Variants in TOP1MT observed in about 807,000 individuals in gnomAD.
TOP1MT encodes DNA topoisomerase I mitochondrial.
A neutral mutation model predicts 73.9 loss-of-function variants in TOP1MT; 80 were observed. That is an observed-to-expected ratio of 1.08 (90% CI 0.90 to 1.30). TOP1MT has a LOEUF of 1.30. Among genes scored for constraint, TOP1MT ranks in the 50% most tolerant of loss-of-function variants. The pLI is 0.00. For missense variants in TOP1MT, 815 were observed against 808.0 expected (o/e 1.01, Z -0.10); for synonymous variants, 338 against 326.4 (o/e 1.04, Z -0.38).
intron 3 of TOP1MT, among the ~76,000 whole-genome samples, chr8:143,326,795 G>T (rs140277644): frequency 6.6e-6 from 1 of 152,186 alleles, no homozygotes; most frequent in Non-Finnish European, 1.5e-5. Context: ...CGGGATTCGC[G>T]AGGGCAAAGT....
intron 7 of TOP1MT, among the ~76,000 whole-genome samples, chr8:143,323,400 C>T (rs1192602460): frequency 8.5e-4 from 109 of 127,880 alleles, no homozygotes; most frequent in Non-Finnish European, 8.3e-4. Flanking sequence ...CACACAGGCA[C>T]GCCACACACG....
At position 143,341,534 on chromosome 8, in the gene TOP1MT, C is replaced by CAA. The variant is rs1817080724; in HGVS notation, c.29+1685_29+1686insTT. ...CAGAGGAGGAGGGAAGGTTCACCTTCCCCACCCCAGCAATGGCTGCCCTCC... is the reference window on the plus strand; with the variant it reads ...CAGAGGAGGAGGGAAGGTTCACCTTCAACCCACCCCAGCAATGGCTGCCCTCC... On this transcript the variant is annotated intron_variant, in intron 2 of 5. Transcript: ENST00000518007. This position sits in a 1 kb window ranked among gnomAD's most constrained non-coding sequence, Gnocchi z 4.1. Among the ~76,000 whole-genome samples, 1 of 152,260 alleles carries CAA rather than the reference C, an allele frequency of 6.6e-6. No individual in the cohort carries two copies. Among genetic ancestry groups the CAA allele is most frequent in the Non-Finnish European group, 1.5e-5 (1 of 68,048 alleles).
chr8:143,329,333 C>T lies in TOP1MT; in HGVS notation c.360+17G>A. On this transcript the variant is annotated intron_variant, in intron 3 of 13. Coordinates refer to ENST00000329245, the MANE Select transcript of TOP1MT (RefSeq NM_052963.3). ...GCCAGGTCCAGGACAGCTGTGGCGG[C>T]CGCCCAGGGTACCTACCTTTCGCCA... 1 of 1,587,330 alleles carries T rather than the reference C, an allele frequency of 6.3e-7. No homozygotes were observed. The highest frequency in any genetic ancestry group is 8.5e-7 in the Non-Finnish European group (1 of 1,170,684).
rs932183481 is a variant in TOP1MT, at chr8:143,341,032, A to G, written c.29+2188T>C. ...CTCTTCTGTGGGAACTGCTCTGTCT[A>G]TCCCACTGCCCAGAGCGCGCTCCTC... On this transcript the variant is annotated intron_variant, in intron 2 of 5. Transcript: ENST00000518007. This position sits in a 1 kb window ranked among gnomAD's most constrained non-coding sequence, Gnocchi z 4.1. Among the ~76,000 whole-genome samples, 1 of 151,624 alleles carries G rather than the reference A, an allele frequency of 6.6e-6. No individual in the cohort carries two copies. Among genetic ancestry groups the G allele is most frequent in the African/African-American group, 2.4e-5 (1 of 41,202 alleles).
chr8:143,317,744 G>A lies in TOP1MT; in HGVS notation c.1309C>T (p.Gln437Ter), dbSNP rs199550229. The change falls in exon 10 of 14, where the codon CAG (glutamine) becomes TAG (stop). Residue 437 changes from glutamine to a stop codon, truncating the protein, a stop_gained. Coordinates refer to ENST00000329245, the MANE Select transcript of TOP1MT (RefSeq NM_052963.3). LOFTEE classifies it high-confidence loss of function. Reference sequence around the variant, plus strand: ...TCACCGCGCGTCAGGGCCCGCAGCTGCTCCTGCAGAGTGATGGAGGCGTTG... The same window carrying A: ...TCACCGCGCGTCAGGGCCCGCAGCTACTCCTGCAGAGTGATGGAGGCGTTG... ...TYNASITLQE[Q>*]LRALTRAEDS... 53 of 1,613,820 alleles carry A rather than the reference G, an allele frequency of 3.3e-5. No individual in the cohort carries two copies. The highest frequency in any genetic ancestry group is 5.1e-6 in the Non-Finnish European group (6 of 1,179,982).
intron 2 of TOP1MT, among the ~76,000 whole-genome samples, chr8:143,342,819 C>T (rs1388025009): frequency 8.1e-6 from 1 of 122,780 alleles, no homozygotes; most frequent in Non-Finnish European, 1.9e-5. Context: ...GAGTCTCGCT[C>T]TGTCACCCAG....
chr8:143,332,755 G>A (rs1236575857), intron 1 of TOP1MT: 20 of 388,082 alleles, frequency 5.2e-5, no homozygotes, highest in Middle Eastern at 5.4e-4. Flanking sequence ...GGGTGGAGCC[G>A]GGCGTGGTGG....
chr8:143,309,521 C>T lies in TOP1MT; in HGVS notation c.1726G>A (p.Val576Met). 1 of 1,613,998 alleles carries T rather than the reference C, an allele frequency of 6.2e-7. No individual in the cohort carries two copies. Among genetic ancestry groups the T allele is most frequent in the Non-Finnish European group, 8.5e-7 (1 of 1,180,014 alleles). ...IAWCKRFRVP[V>M]EKIYSKTQRE... ...TGTGTTTTGCTGTAGATCTTCTCCA[C>T]TGGCACCCTGAACCGCTTGCACCTG... is the stretch of plus-strand genomic sequence containing the variant. Residue 576 changes from valine (V) to methionine (M), a missense_variant, in exon 14 of 14, where the codon GTG (valine) becomes ATG (methionine). Around this residue, in one of 3 missense-constraint regions of TOP1MT, gnomAD observed 751 missense variants for 725.4 expected, o/e 1.04. Coordinates refer to ENST00000329245, the MANE Select transcript of TOP1MT (RefSeq NM_052963.3).
rs754625212 is a variant in TOP1MT at position 143,317,828 on chromosome 8, G to A, written c.1225C>T (p.Leu409=). Residue 409 remains leucine, a synonymous_variant, in exon 10 of 14, where the codon CTG becomes TTG. Coordinates refer to ENST00000329245, the MANE Select transcript of TOP1MT (RefSeq NM_052963.3). ...ATCAGCTCCTGGAGGTGCTTGTTCA[G>A]GCTGGTCGTCTGGGGAGGAAAATGG... ...DLFDRLTTTS[L]NKHLQELMDG... is the part of the protein sequence containing the mutation. The A allele has an allele frequency of 1.1e-5, 17 of 1,614,174 alleles. No individual in the cohort carries two copies. The South Asian group carries it at 1.8e-4, about 17-fold the overall frequency.
At chr8:143,336,391 G>A (rs1816981879), upstream of TOP1MT, among the ~76,000 whole-genome samples, 1 of 152,088 alleles carries the variant, frequency 6.6e-6, no homozygotes, top group Admixed American at 6.6e-5. Flanking sequence ...ACCATTTCAT[G>A]ATAAACAGAA....
intron 1 of TOP1MT, among the ~76,000 whole-genome samples, chr8:143,333,000 A>G (rs1310583564): frequency 6.6e-6 from 1 of 152,258 alleles, no homozygotes; most frequent in Non-Finnish European, 1.5e-5. Flanking sequence ...AGAGCCCACC[A>G]GCCCTGATAC....
chr8:143,316,210 A>C, intron 10 of TOP1MT, 84 bp from the exon 11 acceptor site: 1 of 1,597,216 alleles, frequency 6.3e-7, no homozygotes, highest in African/African-American at 1.3e-5. Context: ...AACGCGCCAC[A>C]CAGCGCAGCC....
intron 2 of TOP1MT, 131 bp from the exon 3 acceptor site, chr8:143,329,602 G>C (rs1816799401): frequency 1.8e-6 from 2 of 1,089,536 alleles, no homozygotes; most frequent in Non-Finnish European, 1.3e-6. Context: ...GCCTTCTTCT[G>C]TAAGTTCAGA....
chr8:143,342,309 TATTA>T (rs1817114515), intron 2 of TOP1MT, among the ~76,000 whole-genome samples: 1 of 141,614 alleles, frequency 7.1e-6, no homozygotes, highest in Non-Finnish European at 1.5e-5. Flanking sequence ...TTATTATTAT[TATTA>T]GAGACAGAGT....
At chr8:143,315,687 A>C in intron 12 of TOP1MT, 40 bp downstream of exon 12, 3 of 1,537,812 alleles carry the variant, frequency 2.0e-6, no homozygotes, top group Non-Finnish European at 1.8e-6. Flanking sequence ...GGGTTGGGAC[A>C]GGGCCCCGGG....
rs370521321 is a variant in TOP1MT at position 143,317,853 on chromosome 8, G to T, written c.1216-16C>A. 1.2e-6 allele frequency: 2 copies of T among 1,613,300 alleles called. No homozygotes were observed. Among genetic ancestry groups the T allele is most frequent in the East Asian group, 2.2e-5 (1 of 44,876 alleles). The stretch of plus-strand genomic sequence containing the variant: ...GGCTGGTCGTCTGGGGAGGAAAATG[G>T]TCTCTATAATTACGTGGTTTTGCGG... On this transcript the variant is annotated splice_polypyrimidine_tract_variant and intron_variant, in intron 9 of 13. Coordinates refer to ENST00000329245, the MANE Select transcript of TOP1MT (RefSeq NM_052963.3).
chr8:143,343,303 T>C (rs1817164651), intron 1 of TOP1MT: 2 of 455,828 alleles, frequency 4.4e-6, no homozygotes, highest in Admixed American at 4.7e-5. Context: ...TTCAAATGTA[T>C]ACATAAACAT....
chr8:143,346,796 G>A (rs1057145652), upstream of TOP1MT, among the ~76,000 whole-genome samples: 15 of 152,198 alleles, frequency 9.9e-5, no homozygotes, highest in Non-Finnish European at 1.8e-4. Flanking sequence ...TACCCCAGGG[G>A]CAGAAGATGA....
At chr8:143,347,741 G>A (rs1817252842), upstream of TOP1MT, among the ~76,000 whole-genome samples, 2 of 151,510 alleles carry the variant, frequency 1.3e-5, no homozygotes, top group African/African-American at 2.4e-5. Context: ...GCGGGGAAGA[G>A]TTGAAACAAT....
Sources: gnomAD v4.1 joint callset for allele counts (sites outside exome capture counted in the v4.1 genomes callset) on GRCh38, gnomAD v4.1.1 for gene constraint, gnomAD v4.1.1 regional missense constraint, Gnocchi (gnomAD v3.1) non-coding constraint, MANE v1.5 for transcripts, NCBI Gene and HGNC (gene_info 2026-07-23, HGNC 2026-07-21) for gene names.